The following ARSB variants were observed in gnomAD, a reference collection of about 807,000 sequenced individuals.
ARSB encodes the protein arylsulfatase B.
In ARSB, 41 loss-of-function variants were observed where a neutral mutation model predicts 50.9. The ratio of observed to expected loss-of-function variants is 0.81; its 90% CI spans 0.63 to 1.04. ARSB has a LOEUF of 1.04. Among genes scored for constraint, ARSB ranks in the 50% least tolerant of loss-of-function variants. The probability of loss-of-function intolerance (pLI) is 0.00; values close to 1 mark genes in which losing one functional copy is unlikely to be tolerated. For synonymous variants in ARSB, 269 were observed against 284.8 expected (o/e 0.94, Z 0.56); for missense variants, 672 against 693.3 (o/e 0.97, Z 0.35).
chr5:78,937,417 ATATATATATCATATATATG>A (rs1750676707), intron 4 of ARSB, among the ~76,000 whole-genome samples: 1 of 140,660 alleles, frequency 7.1e-6, no homozygotes, highest in Non-Finnish European at 1.5e-5. Context: ...TATATGTAAG[ATATATATATCATATATATG>A]ATATATATAT....
chr5:78,806,935 A>C (rs1417573575), intron 6 of ARSB, among the ~76,000 whole-genome samples: 1 of 151,912 alleles, frequency 6.6e-6, no homozygotes, highest in East Asian at 1.9e-4. Flanking sequence ...CGCCATGCTT[A>C]CTCTTCCGCT....
intron 6 of ARSB, chr5:78,815,715 T>C: frequency 9.0e-7 from 1 of 1,107,352 alleles, no homozygotes; most frequent in South Asian, 2.6e-5. Context: ...GTAAGACAAG[T>C]ATAAAGGGCT....
chr5:78,911,621 G>T (rs1195207811), intron 4 of ARSB, among the ~76,000 whole-genome samples: 1 of 131,134 alleles, frequency 7.6e-6, no homozygotes, highest in Non-Finnish European at 1.6e-5. Flanking sequence ...AGAATAACTT[G>T]GGCAATTAGA....
intron 2 of ARSB, among the ~76,000 whole-genome samples, chr5:78,968,395 T>G (rs1752303093): frequency 6.6e-6 from 1 of 151,158 alleles, no homozygotes. Context: ...TTGCCCAGGC[T>G]AGAGTGCAGT....
chr5:78,880,041 A>G (rs1355370892), intron 5 of ARSB, among the ~76,000 whole-genome samples: 3 of 152,106 alleles, frequency 2.0e-5, no homozygotes, highest in African/African-American at 7.2e-5. Context: ...AATTTTGGCC[A>G]TATCTTTTGG....
chr5:78,971,686 C>T (rs1049117835), intron 1 of ARSB, among the ~76,000 whole-genome samples: 1 of 152,184 alleles, frequency 6.6e-6, no homozygotes. Context: ...ATTGCACCTG[C>T]TATTGCTTTA....
intron 4 of ARSB, among the ~76,000 whole-genome samples, chr5:78,937,737 G>A (rs1440883493): frequency 1.3e-5 from 2 of 151,866 alleles, no homozygotes; most frequent in Non-Finnish European, 2.9e-5. Flanking sequence ...GGTGCGGGGT[G>A]GGGGTGGTTT....
Position 78,902,284 on chromosome 5 carries a change from C to T in ARSB, c.899-16457G>A, listed in dbSNP as rs1026460667. Among the ~76,000 whole-genome samples, 8 of 152,168 alleles carry T rather than the reference C, an allele frequency of 5.3e-5. No individual in the cohort carries two copies. In the South Asian group the frequency reaches 6.2e-4, roughly 12 times the overall value. The stretch of plus-strand genomic sequence containing the variant: ...ATCCATTCATGAGGACAGAAGGATT[C>T]GGTTTCCAACACATGAACTTTTGGG... On this transcript the variant is annotated intron_variant, in intron 4 of 7. Coordinates refer to ENST00000264914, the MANE Select transcript of ARSB (RefSeq NM_000046.5).
chr5:78,843,296 C>T (rs775004945), intron 5 of ARSB, among the ~76,000 whole-genome samples: 43 of 152,210 alleles, frequency 2.8e-4, no homozygotes, highest in Non-Finnish European at 5.9e-4. Context: ...CAGAACCACA[C>T]TTGAGGTATC....
intron 4 of ARSB, among the ~76,000 whole-genome samples, chr5:78,948,154 TA>T (rs1482470105): frequency 8.6e-5 from 13 of 151,716 alleles, no homozygotes; most frequent in African/African-American, 2.2e-4. Flanking sequence ...GGGGTGAGGG[TA>T]GGGGGGAAGT....
chr5:78,848,563 C>T (rs1325480875), intron 5 of ARSB, among the ~76,000 whole-genome samples: 1 of 151,368 alleles, frequency 6.6e-6, no homozygotes, highest in Non-Finnish European at 1.5e-5. Flanking sequence ...GATTTATAGT[C>T]CTTTGGGTAT....
chr5:78,818,647 T>C (rs1744096037), intron 6 of ARSB, among the ~76,000 whole-genome samples: 1 of 141,328 alleles, frequency 7.1e-6, no homozygotes, highest in Admixed American at 7.2e-5. Context: ...AGTCTCGCTC[T>C]GTCGCCCAGG....
At chr5:78,908,143 G>A (rs758922715) in intron 4 of ARSB, among the ~76,000 whole-genome samples, 1 of 152,118 alleles carries the variant, frequency 6.6e-6, no homozygotes, top group African/African-American at 2.4e-5. Flanking sequence ...CAGATGCAAC[G>A]TTATTGCTCA....
chr5:78,940,777 G>C (rs567865343), intron 4 of ARSB, among the ~76,000 whole-genome samples: 49 of 152,100 alleles, frequency 3.2e-4, no homozygotes, highest in Non-Finnish European at 3.8e-4. Flanking sequence ...GGCTCATTTT[G>C]GTTCCATATG....
At chr5:78,983,110 G>A (rs1752984117) in intron 1 of ARSB, among the ~76,000 whole-genome samples, 1 of 152,214 alleles carries the variant, frequency 6.6e-6, no homozygotes, top group Non-Finnish European at 1.5e-5. Context: ...CTGGAGTGCA[G>A]TGGTGCGATC....
At chr5:78,839,566 A>G in intron 5 of ARSB, 140 bp from the exon 6 acceptor site, 1 of 763,452 alleles carries the variant, frequency 1.3e-6, no homozygotes, top group South Asian at 1.5e-5. Context: ...AGGTCTCCAC[A>G]ATCACGGCTG....
At chr5:78,795,521 G>A (rs1010623927) in intron 6 of ARSB, among the ~76,000 whole-genome samples, 3 of 152,212 alleles carry the variant, frequency 2.0e-5, no homozygotes, top group African/African-American at 4.8e-5. Context: ...CCAAAGAAGA[G>A]TAAAATAGGG....
At chr5:78,935,295 T>G (rs1750527859) in intron 4 of ARSB, among the ~76,000 whole-genome samples, 1 of 152,226 alleles carries the variant, frequency 6.6e-6, no homozygotes, top group South Asian at 2.1e-4. Flanking sequence ...CTCATGATTT[T>G]CAGAAGCTAA....
chr5:78,833,136 G>A (rs2112700204), intron 6 of ARSB, among the ~76,000 whole-genome samples: 1 of 152,268 alleles, frequency 6.6e-6, no homozygotes, highest in South Asian at 2.1e-4. Flanking sequence ...TTGCAGGAGT[G>A]TGGAATTTGG....
Sources: allele counts gnomAD v4.1 joint callset (sites outside exome capture counted in the v4.1 genomes callset), GRCh38; gene constraint gnomAD v4.1.1; transcripts MANE v1.5; gene names NCBI Gene and HGNC (gene_info 2026-07-23, HGNC 2026-07-21).